SKIC3: variants seen among roughly 807,000 people sequenced by gnomAD.
The protein encoded by SKIC3 is SKI3 subunit of superkiller complex.
the SKIC3 span, chr5:95,536,757 T>C: frequency 2.9e-6 from 4 of 1,356,694 alleles, no homozygotes; most frequent in Admixed American, 6.7e-5. Context: ...TTTTGATTAA[T>C]AACATCACTC....
At chr5:95,531,429 G>A in the SKIC3 span, among the ~76,000 whole-genome samples, 1 of 152,132 alleles carries the variant, frequency 6.6e-6, no homozygotes, top group African/African-American at 2.4e-5. Context: ...ATGCTTCCAG[G>A]CATGAACTTC....
chr5:95,533,591 C>T, the SKIC3 span, among the ~76,000 whole-genome samples: 1 of 152,178 alleles, frequency 6.6e-6, no homozygotes, highest in Admixed American at 6.5e-5. Context: ...AGGGAAAGAA[C>T]TCTTCCCTGA....
the SKIC3 span, chr5:95,530,267 C>A: frequency 2.5e-6 from 4 of 1,608,396 alleles, no homozygotes; most frequent in Non-Finnish European, 3.4e-6. Flanking sequence ...ATACATATAT[C>A]GAGTTTCTAA....
chr5:95,503,838 C>A, the SKIC3 span: 2 of 1,613,666 alleles, frequency 1.2e-6, no homozygotes, highest in East Asian at 4.5e-5. Context: ...TTATAAAGCC[C>A]CTTCATGAAT....
the SKIC3 span, among the ~76,000 whole-genome samples, chr5:95,465,902 C>G: frequency 6.6e-6 from 1 of 152,172 alleles, no homozygotes. Flanking sequence ...ATCAGGCCTC[C>G]TGCTCACAGG....
At chr5:95,531,737 T>G in the SKIC3 span, among the ~76,000 whole-genome samples, 1 of 152,150 alleles carries the variant, frequency 6.6e-6, no homozygotes, top group Non-Finnish European at 1.5e-5. Flanking sequence ...CCAGATATCA[T>G]ACTTAAAGAC....
the SKIC3 span, among the ~76,000 whole-genome samples, chr5:95,499,632 A>G: frequency 6.6e-6 from 1 of 152,238 alleles, no homozygotes; most frequent in Admixed American, 6.5e-5. Context: ...GTTGAGTTCC[A>G]ATAAAATCTT....
the SKIC3 span, among the ~76,000 whole-genome samples, chr5:95,537,748 G>C: frequency 6.6e-6 from 1 of 152,220 alleles, no homozygotes; most frequent in Non-Finnish European, 1.5e-5. Context: ...AGCAATACTA[G>C]AATCCAAGGC....
the SKIC3 span, among the ~76,000 whole-genome samples, chr5:95,468,819 TA>T: frequency 1.5e-4 from 23 of 152,082 alleles, no homozygotes; most frequent in Admixed American, 5.9e-4. Flanking sequence ...ATTATTGGGG[TA>T]GGGGGTGAAG....
the SKIC3 span, chr5:95,478,451 CAAAAAAG>C: frequency 1.2e-6 from 2 of 1,613,450 alleles, no homozygotes; most frequent in Non-Finnish European, 1.7e-6. Context: ...CACTAAGAAA[CAAAAAAG>C]GAGAAGGAGG....
At chr5:95,516,815 A>G in the SKIC3 span, 1 of 1,573,908 alleles carries the variant, frequency 6.4e-7, no homozygotes. Flanking sequence ...ATCAAGATAT[A>G]TGTGGTTTTA....
chr5:95,491,685 A>C, the SKIC3 span, among the ~76,000 whole-genome samples: 1 of 152,210 alleles, frequency 6.6e-6, no homozygotes, highest in East Asian at 1.9e-4. Flanking sequence ...AAGATTATGC[A>C]TAACGACTTC....
the SKIC3 span, among the ~76,000 whole-genome samples, chr5:95,552,676 C>T: frequency 6.6e-6 from 1 of 151,956 alleles, no homozygotes; most frequent in Non-Finnish European, 1.5e-5. Context: ...GGAGAGCATG[C>T]AGGAGTGAAA....
At chr5:95,465,221 C>T in the SKIC3 span, among the ~76,000 whole-genome samples, 5 of 152,100 alleles carry the variant, frequency 3.3e-5, no homozygotes, top group South Asian at 2.1e-4. Flanking sequence ...TGAGGCACTG[C>T]GCCCAGCCTG....
At chr5:95,471,028 T>A in the SKIC3 span, among the ~76,000 whole-genome samples, 1 of 152,148 alleles carries the variant, frequency 6.6e-6, no homozygotes, top group Non-Finnish European at 1.5e-5. Flanking sequence ...TTAAATTATA[T>A]AACAAAAATT....
chr5:95,503,854 C>G, the SKIC3 span: 1 of 1,613,890 alleles, frequency 6.2e-7, no homozygotes, highest in Non-Finnish European at 8.5e-7. Flanking sequence ...TGAATAAAGC[C>G]AATGCAAAAC....
At chr5:95,503,367 A>T in the SKIC3 span, among the ~76,000 whole-genome samples, 2 of 152,218 alleles carry the variant, frequency 1.3e-5, no homozygotes, top group Non-Finnish European at 2.9e-5. Context: ...CAAGCAGTAG[A>T]TATTTCAATG....
chr5:95,529,930 A>T, the SKIC3 span, among the ~76,000 whole-genome samples: 1 of 152,200 alleles, frequency 6.6e-6, no homozygotes, highest in African/African-American at 2.4e-5. Flanking sequence ...AGTGATAAGC[A>T]GAGTCAGAGT....
chr5:95,503,115 T>A, the SKIC3 span: 7 of 1,157,110 alleles, frequency 6.0e-6, no homozygotes, highest in Middle Eastern at 2.5e-4. Context: ...CAATTATATC[T>A]TTGTATTCTC....
Sources: gnomAD v4.1 joint callset for allele counts (sites outside exome capture counted in the v4.1 genomes callset) on GRCh38, gnomAD v4.1.1 for gene constraint, MANE v1.5 for transcripts, NCBI Gene and HGNC (gene_info 2026-07-23, HGNC 2026-07-21) for gene names.